The following FCHO2 variants were observed in gnomAD, a reference collection of about 807,000 sequenced individuals.
FCHO2 encodes FCH and mu domain containing endocytic adaptor 2, also known as F-BAR domain only protein 2.
FCHO2 carries 43 observed loss-of-function variants against 114.1 expected under a neutral mutation model. The observed-to-expected ratio is 0.38, with a 90% CI of 0.30 to 0.49. The LOEUF is 0.49. Among genes scored for constraint, FCHO2 ranks in the 20% least tolerant of loss-of-function variants. The probability of loss-of-function intolerance (pLI) is 0.97; values close to 1 mark genes in which losing one functional copy is unlikely to be tolerated. For missense variants in FCHO2, 807 were observed against 950.4 expected, an observed-to-expected ratio of 0.85 and a Z score of 1.98; for synonymous variants, 293 against 315.2, an observed-to-expected ratio of 0.93 and a Z score of 0.75.
In FCHO2 at chr5:73,051,426, T is replaced by G; in HGVS notation, c.997+20T>G. ...AGAATGATATCCTTTCATCATCTAG[T>G]ATTCTTAAGGATTATGTTGGCATAT... On this transcript the variant is annotated intron_variant, in intron 12 of 25. Coordinates refer to ENST00000430046, the MANE Select transcript of FCHO2 (RefSeq NM_138782.3). 1 of 1,475,610 alleles carries G rather than the reference T, an allele frequency of 6.8e-7. No homozygotes were observed. The highest frequency in any genetic ancestry group is 9.2e-7 in the Non-Finnish European group (1 of 1,084,484). 91.4% of individuals were successfully genotyped at this position (1,475,610 alleles called of 1,614,324 possible).
chr5:73,054,113 T>C, intron 13 of FCHO2, 47 bp from the exon 14 acceptor site: 1 of 1,356,826 alleles, frequency 7.4e-7, no homozygotes, highest in Non-Finnish European at 1.0e-6. Context: ...AAAAATACAG[T>C]ATTCAGAATT....
chr5:73,049,608 ATGTT>A (rs1299990380), intron 11 of FCHO2, among the ~76,000 whole-genome samples: 2 of 152,058 alleles, frequency 1.3e-5, no homozygotes, highest in Non-Finnish European at 2.9e-5. Flanking sequence ...CCTGAACTGA[ATGTT>A]TGTTTATCTT....
At chr5:72,978,927 G>A (rs554385217) in intron 2 of FCHO2, among the ~76,000 whole-genome samples, 2 of 152,290 alleles carry the variant, frequency 1.3e-5, no homozygotes, top group East Asian at 1.9e-4. Flanking sequence ...ATTTGCGTAT[G>A]TTGAACCAGC....
At chr5:72,982,457 G>A (rs570784324) in intron 2 of FCHO2, among the ~76,000 whole-genome samples, 10 of 152,116 alleles carry the variant, frequency 6.6e-5, no homozygotes, top group Non-Finnish European at 1.3e-4. Context: ...TTTTCTCACA[G>A]TCTGATTTGT....
intron 11 of FCHO2, among the ~76,000 whole-genome samples, chr5:73,044,594 G>A (rs1013420954): frequency 2.0e-5 from 3 of 152,032 alleles, no homozygotes; most frequent in African/African-American, 4.8e-5. Context: ...TTCTTTAAAG[G>A]TCTATGTAAT....
intron 8 of FCHO2, among the ~76,000 whole-genome samples, chr5:73,022,919 C>T (rs1187495957): frequency 6.6e-6 from 1 of 152,100 alleles, no homozygotes; most frequent in African/African-American, 2.4e-5. Context: ...ACAGTCCAAG[C>T]CTATATCCAT....
chr5:73,054,102 C>T, intron 13 of FCHO2, 58 bp from the exon 14 acceptor site: 3 of 1,296,248 alleles, frequency 2.3e-6, no homozygotes, highest in Non-Finnish European at 3.2e-6. Context: ...TATTACAGCA[C>T]AAAAATACAG....
intron 2 of FCHO2, among the ~76,000 whole-genome samples, chr5:72,971,397 C>A (rs969286257): frequency 2.0e-5 from 3 of 152,146 alleles, no homozygotes; most frequent in Admixed American, 2.0e-4. Flanking sequence ...GCCATTCTAA[C>A]TGGTGTGAGA....
intron 2 of FCHO2, among the ~76,000 whole-genome samples, chr5:72,984,809 T>C (rs1269470620): frequency 6.6e-6 from 1 of 151,776 alleles, no homozygotes; most frequent in Admixed American, 6.6e-5. Context: ...ATTTTTGTAT[T>C]TTTTTTTGTA....
At chr5:73,020,957 T>C in intron 8 of FCHO2, 1 of 1,596,310 alleles carries the variant, frequency 6.3e-7, no homozygotes, top group Non-Finnish European at 8.6e-7. Context: ...TTGCTTCGGC[T>C]GTTGAGTGGT....
Position 72,961,834 on chromosome 5 carries a change from G to A in FCHO2, c.33+5705G>A, listed in dbSNP as rs191780527. On this transcript the variant is annotated intron_variant, in intron 1 of 25. Coordinates refer to ENST00000430046, the MANE Select transcript of FCHO2 (RefSeq NM_138782.3). The stretch of plus-strand genomic sequence containing the variant: ...TCGAACTCCTGACCTCAGGTGATCC[G>A]CCTGCCTCGGCCTCCCAAAGTGCTG... 3.9e-3 allele frequency among the ~76,000 whole-genome samples: 587 copies of A among 152,124 alleles called. 2 individuals carry two copies. The highest frequency in any genetic ancestry group is 0.013 in the African/African-American group (547 of 41,500).
intron 6 of FCHO2, among the ~76,000 whole-genome samples, chr5:73,013,087 A>G (rs1041793743): frequency 3.5e-4 from 54 of 152,214 alleles, no homozygotes; most frequent in African/African-American, 1.3e-3. Flanking sequence ...AATGCTCCTC[A>G]GTTCTTGAGA....
chr5:72,972,516 G>A (rs1288413832), intron 2 of FCHO2, among the ~76,000 whole-genome samples: 2 of 152,230 alleles, frequency 1.3e-5, no homozygotes, highest in African/African-American at 2.4e-5. Context: ...TGTTGTTGGT[G>A]TATAAGAATG....
chr5:73,051,915 AG>A (rs555980279), intron 12 of FCHO2, among the ~76,000 whole-genome samples: 173 of 151,530 alleles, frequency 1.1e-3, no homozygotes, highest in African/African-American at 4.0e-3. Context: ...ATTTCTGTTA[AG>A]GTCTGTTTTT....
At chr5:72,961,175 G>A (rs1377411751) in intron 1 of FCHO2, among the ~76,000 whole-genome samples, 2 of 151,930 alleles carry the variant, frequency 1.3e-5, no homozygotes, top group Non-Finnish European at 1.5e-5. Flanking sequence ...TTAAAATTCT[G>A]GAATTGCTAT....
chr5:73,085,672 G>A (rs923772283), intron 24 of FCHO2, among the ~76,000 whole-genome samples: 4 of 152,068 alleles, frequency 2.6e-5, no homozygotes, highest in African/African-American at 9.7e-5. Context: ...TTACTCAGGA[G>A]GCTGAGGCAC....
At chr5:73,064,242 A>C (rs1405664160) in intron 18 of FCHO2, among the ~76,000 whole-genome samples, 1 of 152,090 alleles carries the variant, frequency 6.6e-6, no homozygotes, top group African/African-American at 2.4e-5. Flanking sequence ...ATATAATTCT[A>C]CTTAAAGTCA....
intron 5 of FCHO2, among the ~76,000 whole-genome samples, chr5:73,003,456 G>A (rs1217508581): frequency 6.6e-6 from 1 of 152,030 alleles, no homozygotes; most frequent in Non-Finnish European, 1.5e-5. Flanking sequence ...GGGATTATAG[G>A]CATGTGCCAC....
At chr5:73,006,864 A>C (rs761375016) in intron 6 of FCHO2, among the ~76,000 whole-genome samples, 1 of 152,212 alleles carries the variant, frequency 6.6e-6, no homozygotes, top group Non-Finnish European at 1.5e-5. Flanking sequence ...GTGACTTAGT[A>C]GTGAGGCTAC....
Sources: allele counts gnomAD v4.1 joint callset (sites outside exome capture counted in the v4.1 genomes callset), GRCh38; gene constraint gnomAD v4.1.1; transcripts MANE v1.5; gene names NCBI Gene and HGNC (gene_info 2026-07-23, HGNC 2026-07-21).